Variants in PCSK1 observed in about 807,000 individuals in gnomAD.
PCSK1 encodes the protein proprotein convertase subtilisin/kexin type 1, also known as neuroendocrine convertase 1.
A neutral mutation model predicts 90.6 loss-of-function variants in PCSK1; 56 were observed. The observed-to-expected ratio is 0.62, with a 90% confidence interval of 0.50 to 0.77. The LOEUF is 0.77. Ranked by LOEUF, PCSK1 falls within the 30% of genes least tolerant of loss-of-function variation. PCSK1 has a pLI of 0.00. For missense variants in PCSK1, 801 were observed against 932.6 expected, an observed-to-expected ratio of 0.86 and a Z score of 1.84; for synonymous variants, 348 against 342.4, an observed-to-expected ratio of 1.02 and a Z score of -0.18.
chr5:96,421,845 A>G (rs758544546), intron 5 of PCSK1, 35 bp downstream of exon 5: 1 of 1,081,622 alleles, frequency 9.2e-7, no homozygotes, highest in Non-Finnish European at 1.4e-6. Context: ...AGCATTGTAA[A>G]GTACTTTATT....
intron 6 of PCSK1, 71 bp from the exon 7 acceptor site, chr5:96,412,561 C>G: frequency 3.0e-6 from 4 of 1,341,524 alleles, no homozygotes; most frequent in Non-Finnish European, 1.1e-6. Flanking sequence ...GCCCAATACT[C>G]TTACTATTTG....
intron 9 of PCSK1, among the ~76,000 whole-genome samples, chr5:96,403,492 T>A (rs1227597668): frequency 6.6e-6 from 1 of 152,198 alleles, no homozygotes; most frequent in African/African-American, 2.4e-5. Context: ...ATTTCATAAA[T>A]GAAAAGGAGC....
chr5:96,423,580 A>G, intron 3 of PCSK1, 121 bp from the exon 4 acceptor site: 1 of 868,264 alleles, frequency 1.2e-6, no homozygotes, highest in Non-Finnish European at 1.9e-6. Context: ...ACTCTTTAGA[A>G]GAAGCCAATT....
intron 2 of PCSK1, among the ~76,000 whole-genome samples, chr5:96,427,765 C>A (rs1296187581): frequency 6.6e-6 from 1 of 152,166 alleles, no homozygotes; most frequent in Non-Finnish European, 1.5e-5. Context: ...CATTAATGGG[C>A]ATGCAGTTTG....
At chr5:96,402,505 C>T (rs1029919549) in intron 9 of PCSK1, among the ~76,000 whole-genome samples, 1 of 152,102 alleles carries the variant, frequency 6.6e-6, no homozygotes, top group Admixed American at 6.5e-5. Flanking sequence ...GGTGCTTCTC[C>T]ACTCCCGTAC....
intron 5 of PCSK1, among the ~76,000 whole-genome samples, chr5:96,420,629 C>T (rs925390913): frequency 1.1e-4 from 17 of 151,988 alleles, no homozygotes; most frequent in African/African-American, 4.1e-4. Context: ...CCCAGCCTCC[C>T]ATCCTGGGGT....
At position 96,424,005 on chromosome 5, in the gene PCSK1, G is replaced by C. The variant is rs540105640; in HGVS notation, c.397-546C>G. ...CTATTTTTAAGTATGAGTGATTTAG[G>C]GGGTAAGTGTCTGTGAGAGGAGATT... On this transcript the variant is annotated intron_variant, in intron 3 of 13. Coordinates refer to ENST00000311106, the MANE Select transcript of PCSK1 (RefSeq NM_000439.5). Among the ~76,000 whole-genome samples, 12 of 152,276 alleles carry C rather than the reference G, an allele frequency of 7.9e-5. No homozygotes were observed. The South Asian group carries it at 2.5e-3, about 32-fold the overall frequency.
intron 2 of PCSK1, 36 bp downstream of exon 2, chr5:96,429,177 A>C: frequency 9.8e-7 from 1 of 1,025,110 alleles, no homozygotes; most frequent in South Asian, 1.3e-5. Flanking sequence ...CAGATAAGCT[A>C]GAGTATTGGT....
chr5:96,418,680 G>A (rs947089992), intron 5 of PCSK1, among the ~76,000 whole-genome samples: 1 of 152,178 alleles, frequency 6.6e-6, no homozygotes, highest in Non-Finnish European at 1.5e-5. Flanking sequence ...ACAAAATGGA[G>A]CCATTCATTT....
At chr5:96,430,119 A>T (rs1326750786) in intron 1 of PCSK1, among the ~76,000 whole-genome samples, 1 of 152,174 alleles carries the variant, frequency 6.6e-6, no homozygotes, top group East Asian at 1.9e-4. Flanking sequence ...TTGATTTTCC[A>T]CTAATTCAAG....
chr5:96,418,160 A>G (rs915960976), intron 5 of PCSK1, among the ~76,000 whole-genome samples: 1 of 152,342 alleles, frequency 6.6e-6, no homozygotes, highest in East Asian at 1.9e-4. Flanking sequence ...ATGCATTGAC[A>G]TGTTTTCCTC....
At position 96,392,760 on chromosome 5, in the gene PCSK1, ACACTT is replaced by A; in HGVS notation, c.*236_*240del. ...CAACTGTGACTCCAGAAAGAACAAA[ACACTT>A]CACTTGTGCAGACAGGAAAGATGTG... On this transcript the variant is annotated 3_prime_UTR_variant, in exon 14 of 14. Transcript: ENST00000311106. 1 of 556,190 alleles carries A rather than the reference ACACTT, an allele frequency of 1.8e-6. No individual in the cohort carries two copies. The highest frequency in any genetic ancestry group is 3.1e-5 in the East Asian group (1 of 32,092). 34.5% of individuals were successfully genotyped at this position (556,190 alleles called of 1,614,324 possible). A position where few individuals can be genotyped will look rare whatever the true frequency, so the allele number is the denominator to read the frequency against.
rs147810852 is a variant in PCSK1 at position 96,426,864 on chromosome 5, G to A, written c.286-934C>T. ...AAGGATAAAACCATCCACTAAGACT[G>A]CCCTCAATTTTCAATTAAAAATATA... On this transcript the variant is annotated intron_variant, in intron 2 of 13. Coordinates refer to ENST00000311106, the MANE Select transcript of PCSK1 (RefSeq NM_000439.5). Among the ~76,000 whole-genome samples, 776 of 152,202 alleles carry A rather than the reference G, an allele frequency of 5.1e-3. 4 individuals carry two copies. The highest frequency in any genetic ancestry group is 9.3e-3 in the South Asian group (45 of 4,818).
chr5:96,392,625 CT>C lies in PCSK1; in HGVS notation c.*375del, dbSNP rs1315550572. 1.8e-5 allele frequency: 4 copies of C among 220,598 alleles called. No individual in the cohort carries two copies. The highest frequency in any genetic ancestry group is 2.7e-5 in the Non-Finnish European group (3 of 111,068). The allele number at this position is 220,598 out of a possible 1,614,324, so 13.7% of individuals were successfully genotyped here. ...AAACAGTTTCTGACTCCTTCTCATT[CT>C]TTGCAGATTATGTTTTCAAATTAAT... On this transcript the variant is annotated 3_prime_UTR_variant, in exon 14 of 14. Transcript: ENST00000311106.
At position 96,432,028 on chromosome 5, in the gene PCSK1, C is replaced by A; in HGVS notation, c.180+835G>T. On this transcript the variant is annotated intron_variant, in intron 1 of 13. Transcript: ENST00000311106. The stretch of plus-strand genomic sequence containing the variant: ...TCCAACCAGCTACCTATCGACCAAG[C>A]CTTCACTTGGACAGGCAACAATAAG... The A allele has an allele frequency of 2.4e-6, 3 of 1,274,678 alleles. No individual in the cohort carries two copies. The South Asian group carries it at 3.8e-5, about 16-fold the overall frequency. The allele number at this position is 1,274,678 out of a possible 1,614,324, so 79.0% of individuals were successfully genotyped here. A position where few individuals can be genotyped will look rare whatever the true frequency, so the allele number is the denominator to read the frequency against.
At chr5:96,402,263 C>T (rs1349956204) in intron 9 of PCSK1, among the ~76,000 whole-genome samples, 1 of 152,208 alleles carries the variant, frequency 6.6e-6, no homozygotes, top group Non-Finnish European at 1.5e-5. Flanking sequence ...TCTTACCTGG[C>T]ACGACACACG....
intron 5 of PCSK1, among the ~76,000 whole-genome samples, chr5:96,418,278 A>G (rs1430010875): frequency 2.0e-5 from 3 of 152,230 alleles, no homozygotes; most frequent in Non-Finnish European, 2.9e-5. Context: ...GTGCTGCAGT[A>G]AAGAACTTTC....
chr5:96,416,988 G>T (rs972896966), intron 5 of PCSK1, among the ~76,000 whole-genome samples: 1 of 152,142 alleles, frequency 6.6e-6, no homozygotes, highest in Non-Finnish European at 1.5e-5. Flanking sequence ...TTTATTTCGT[G>T]ATTTTATTCT....
At chr5:96,409,109 G>A (rs1760667941) in intron 8 of PCSK1, among the ~76,000 whole-genome samples, 1 of 152,190 alleles carries the variant, frequency 6.6e-6, no homozygotes, top group Admixed American at 6.5e-5. Context: ...GAATTACCCT[G>A]GCTAACTTTA....
Sources: allele counts gnomAD v4.1 joint callset (sites outside exome capture counted in the v4.1 genomes callset), GRCh38; gene constraint gnomAD v4.1.1; transcripts MANE v1.5; gene names NCBI Gene and HGNC (gene_info 2026-07-23, HGNC 2026-07-21).